Variants in SPMIP1 observed in about 807,000 individuals in gnomAD.
SPMIP1 encodes the protein protein SPMIP1.
the SPMIP1 span, chr7:128,866,548 G>GC: frequency 6.5e-7 from 1 of 1,535,894 alleles, no homozygotes; most frequent in African/African-American, 1.4e-5. Flanking sequence ...TAAGGCTGCA[G>GC]CCCGCCTGCC....
chr7:128,866,801 C>A, the SPMIP1 span: 3 of 1,535,002 alleles, frequency 2.0e-6, no homozygotes, highest in South Asian at 3.6e-5. Context: ...TTCCCCATCA[C>A]CACCAGCTTC....
the SPMIP1 span, among the ~76,000 whole-genome samples, chr7:128,867,032 G>T: frequency 6.6e-6 from 1 of 152,224 alleles, no homozygotes; most frequent in South Asian, 2.1e-4. Context: ...GTCAGGAAAG[G>T]CCTTTCTGAG....
At chr7:128,870,114 T>G in the SPMIP1 span, 3 of 152,242 alleles carry the variant, frequency 2.0e-5, no homozygotes. Context: ...TCGCCTTTGA[T>G]CATGCTCTGC....
the SPMIP1 span, chr7:128,869,923 G>A: frequency 6.7e-6 from 1 of 148,766 alleles, no homozygotes; most frequent in Non-Finnish European, 1.5e-5. Flanking sequence ...GGGGGCCCCG[G>A]AGAGCCCCGA....
chr7:128,868,489 C>A, the SPMIP1 span, among the ~76,000 whole-genome samples: 1 of 152,190 alleles, frequency 6.6e-6, no homozygotes, highest in Admixed American at 6.5e-5. Flanking sequence ...TCCTGGCATC[C>A]AGCCAGCTCC....
chr7:128,868,747 T>G, the SPMIP1 span: 2 of 1,535,530 alleles, frequency 1.3e-6, no homozygotes, highest in Non-Finnish European at 1.7e-6. Context: ...GCCTTCGCAC[T>G]GCTTGATCCC....
At chr7:128,868,701 A>G in the SPMIP1 span, 7 of 1,535,706 alleles carry the variant, frequency 4.6e-6, no homozygotes, top group African/African-American at 9.6e-5. Context: ...CTCCTGCAAG[A>G]TGTGCCGCAT....
the SPMIP1 span, chr7:128,871,581 G>T: frequency 2.0e-5 from 3 of 152,216 alleles, no homozygotes; most frequent in Non-Finnish European, 4.4e-5. Flanking sequence ...TGCAGCTGTG[G>T]AGGAAGGAGA....
chr7:128,868,923 T>C, the SPMIP1 span: 1 of 577,802 alleles, frequency 1.7e-6, no homozygotes, highest in Non-Finnish European at 3.1e-6. Context: ...ACCTGCAAGT[T>C]GCCCTCTTGC....
At chr7:128,867,116 T>C in the SPMIP1 span, among the ~76,000 whole-genome samples, 1 of 151,936 alleles carries the variant, frequency 6.6e-6, no homozygotes, top group African/African-American at 2.4e-5. Context: ...TGATGGAGGG[T>C]TCTAAGCAGA....
the SPMIP1 span, among the ~76,000 whole-genome samples, chr7:128,868,265 C>CCAAA: frequency 6.6e-6 from 1 of 152,244 alleles, no homozygotes; most frequent in Non-Finnish European, 1.5e-5. Context: ...GATTTTGCCC[C>CCAAA]CAAACATCCC....
At chr7:128,868,552 C>T in the SPMIP1 span, 2 of 574,626 alleles carry the variant, frequency 3.5e-6, no homozygotes, top group Middle Eastern at 2.7e-4. Context: ...TTTCTTCCCA[C>T]AAAGTGGCTA....
chr7:128,866,405 C>T, the SPMIP1 span: 6 of 1,510,624 alleles, frequency 4.0e-6, no homozygotes, highest in Non-Finnish European at 5.3e-6. Context: ...CCTTCCCTGG[C>T]CACCATGTCA....
At chr7:128,868,922 T>C in the SPMIP1 span, 1 of 577,438 alleles carries the variant, frequency 1.7e-6, no homozygotes, top group Non-Finnish European at 3.1e-6. Context: ...GACCTGCAAG[T>C]TGCCCTCTTG....
chr7:128,868,756 C>A, the SPMIP1 span: 7 of 1,534,982 alleles, frequency 4.6e-6, no homozygotes, highest in South Asian at 8.3e-5. Context: ...CTGCTTGATC[C>A]CCGAGACCTG....
At chr7:128,868,883 G>A in the SPMIP1 span, 2 of 692,812 alleles carry the variant, frequency 2.9e-6, no homozygotes. Flanking sequence ...TGTCCCTGAG[G>A]TTGCATTCAG....
At chr7:128,871,709 C>T in the SPMIP1 span, 1 of 152,160 alleles carries the variant, frequency 6.6e-6, no homozygotes, top group Non-Finnish European at 1.5e-5. Context: ...GTGAATATTC[C>T]TAACAGTAAC....
the SPMIP1 span, chr7:128,870,002 G>A: frequency 6.6e-6 from 1 of 152,194 alleles, no homozygotes; most frequent in Non-Finnish European, 1.5e-5. Context: ...TCCGCGACCT[G>A]GGAGCCGCCG....
At chr7:128,869,030 A>G in the SPMIP1 span, 1 of 427,196 alleles carries the variant, frequency 2.3e-6, no homozygotes, top group Non-Finnish European at 4.2e-6. Flanking sequence ...CAGGCACGGG[A>G]TCCTCAGCAC....
Sources: allele counts gnomAD v4.1 joint callset (sites outside exome capture counted in the v4.1 genomes callset), GRCh38; gene constraint gnomAD v4.1.1; transcripts MANE v1.5; gene names NCBI Gene and HGNC (gene_info 2026-07-23, HGNC 2026-07-21).